The following ERBB4 variants were observed in gnomAD, a reference collection of about 807,000 sequenced individuals.
ERBB4 encodes receptor tyrosine-protein kinase erbB-4.
ERBB4 carries 42 observed loss-of-function variants against 158.0 expected under a neutral mutation model. The ratio of observed to expected loss-of-function variants is 0.27; its 90% CI spans 0.21 to 0.34. ERBB4 has a LOEUF of 0.34. Among genes scored for constraint, ERBB4 ranks in the 10% least tolerant of loss-of-function variants. The pLI, the probability that ERBB4 is intolerant of heterozygous loss-of-function variation, is 1.00. For synonymous variants in ERBB4, 583 were observed against 558.7 expected, an observed-to-expected ratio of 1.04 and a Z score of -0.61; for missense variants, 1,333 against 1,624.1, an observed-to-expected ratio of 0.82 and a Z score of 3.08.
chr2:211,473,102 C>G (rs959101626), intron 20 of ERBB4, among the ~76,000 whole-genome samples: 8 of 151,586 alleles, frequency 5.3e-5, no homozygotes, highest in Non-Finnish European at 1.0e-4. Flanking sequence ...GAGAAATGAT[C>G]CTGCATTATC....
At chr2:212,035,759 A>G (rs1428765978) in intron 2 of ERBB4, among the ~76,000 whole-genome samples, 2 of 152,206 alleles carry the variant, frequency 1.3e-5, no homozygotes, top group Non-Finnish European at 2.9e-5. Context: ...TGTAATATGC[A>G]CTCAGCAGAT....
chr2:212,051,508 T>G (rs898154881), intron 2 of ERBB4, among the ~76,000 whole-genome samples: 8 of 152,308 alleles, frequency 5.3e-5, no homozygotes, highest in African/African-American at 1.9e-4. Flanking sequence ...TAATAAAAAT[T>G]GATGTTATGT....
intron 20 of ERBB4, among the ~76,000 whole-genome samples, chr2:211,464,973 TTTTTTTTTC>T (rs140326503): frequency 0.61 from 86,693 of 141,832 alleles, 27,485 homozygotes; most frequent in South Asian, 0.74. Flanking sequence ...TTGTTTTTCT[TTTTTTTTTC>T]TTTTTTTTTT....
At chr2:212,381,343 A>G (rs941430555) in intron 1 of ERBB4, among the ~76,000 whole-genome samples, 1 of 151,320 alleles carries the variant, frequency 6.6e-6, no homozygotes, top group Non-Finnish European at 1.5e-5. Context: ...CTGCGTTGGA[A>G]AGGTGCACTG....
At chr2:211,566,060 G>T (rs1295014960) in intron 19 of ERBB4, among the ~76,000 whole-genome samples, 2 of 152,260 alleles carry the variant, frequency 1.3e-5, no homozygotes, top group East Asian at 3.9e-4. Flanking sequence ...GGAAGTTCCG[G>T]GTGCACTTTG....
chr2:212,423,937 T>C (rs1207638201), intron 1 of ERBB4, among the ~76,000 whole-genome samples: 1 of 152,192 alleles, frequency 6.6e-6, no homozygotes, highest in Non-Finnish European at 1.5e-5. Flanking sequence ...TTCCCAAAAG[T>C]TTATTATTAA....
intron 2 of ERBB4, among the ~76,000 whole-genome samples, chr2:212,026,906 A>C (rs911141526): frequency 2.1e-4 from 32 of 152,076 alleles, no homozygotes; most frequent in Admixed American, 1.5e-3. Context: ...CATTCATTAA[A>C]ATAAGTAGAC....
At chr2:212,361,356 C>G (rs1266443735) in intron 1 of ERBB4, among the ~76,000 whole-genome samples, 2 of 151,572 alleles carry the variant, frequency 1.3e-5, no homozygotes, top group African/African-American at 4.8e-5. Context: ...ACTGATGAAG[C>G]AGTGACATCT....
chr2:212,446,617 A>ATATATATATATG (rs2092360185), intron 1 of ERBB4, among the ~76,000 whole-genome samples: 1 of 58,254 alleles, frequency 1.7e-5, no homozygotes, highest in Non-Finnish European at 3.7e-5. Context: ...ATATATATAT[A>ATATATATATATG]TATATATATA....
chr2:212,369,835 G>A (rs1363618496), intron 1 of ERBB4, among the ~76,000 whole-genome samples: 2 of 152,074 alleles, frequency 1.3e-5, no homozygotes, highest in African/African-American at 4.8e-5. Context: ...AGGATTACAG[G>A]CATGAGCCAC....
chr2:211,893,278 T>C (rs1202564983), intron 3 of ERBB4, among the ~76,000 whole-genome samples: 2 of 144,578 alleles, frequency 1.4e-5, no homozygotes, highest in East Asian at 1.9e-4. Context: ...TATCTGATCT[T>C]TGACAAACCT....
intron 1 of ERBB4, among the ~76,000 whole-genome samples, chr2:212,524,980 ATTGGG>A (rs1692370631): frequency 6.6e-6 from 1 of 151,976 alleles, no homozygotes; most frequent in Non-Finnish European, 1.5e-5. Flanking sequence ...TACTTGTTTG[ATTGGG>A]TTAAGTCAGA....
chr2:212,075,364 A>T (rs1228937472), intron 2 of ERBB4, among the ~76,000 whole-genome samples: 2 of 151,946 alleles, frequency 1.3e-5, no homozygotes, highest in East Asian at 3.9e-4. Context: ...ATGCAATGTA[A>T]TGGTACAATA....
chr2:211,772,940 T>TACACACAA (rs1172044868), intron 4 of ERBB4, among the ~76,000 whole-genome samples: 1 of 92,180 alleles, frequency 1.1e-5, no homozygotes, highest in African/African-American at 6.0e-5. Context: ...TATATATATA[T>TACACACAA]ATATATATAT....
At chr2:212,055,104 A>C (rs777194741) in intron 2 of ERBB4, among the ~76,000 whole-genome samples, 57 of 152,166 alleles carry the variant, frequency 3.7e-4, no homozygotes, top group Non-Finnish European at 6.8e-4. Context: ...TCCCACCCTA[A>C]TACTGTGCTT....
chr2:212,057,700 A>G (rs1370989678), intron 2 of ERBB4, among the ~76,000 whole-genome samples: 1 of 152,244 alleles, frequency 6.6e-6, no homozygotes, highest in Non-Finnish European at 1.5e-5. Flanking sequence ...TAATGAAATG[A>G]AGGCAGAAAC....
At chr2:212,161,460 G>T (rs2125648962) in intron 1 of ERBB4, among the ~76,000 whole-genome samples, 1 of 151,836 alleles carries the variant, frequency 6.6e-6, no homozygotes, top group African/African-American at 2.4e-5. Context: ...TCTCCCATAG[G>T]TTGATGCAGA....
chr2:211,637,185 G>C (rs2070393452), intron 16 of ERBB4, among the ~76,000 whole-genome samples: 1 of 151,828 alleles, frequency 6.6e-6, no homozygotes, highest in Non-Finnish European at 1.5e-5. Context: ...TCATGACCCA[G>C]AGGACAAATG....
chr2:211,501,717 T>TA (rs1339771805), intron 20 of ERBB4, among the ~76,000 whole-genome samples: 6 of 152,106 alleles, frequency 3.9e-5, no homozygotes, highest in African/African-American at 1.4e-4. Context: ...TAATTTAACT[T>TA]ACTTTTAATT....
Sources: allele counts gnomAD v4.1 joint callset (sites outside exome capture counted in the v4.1 genomes callset), GRCh38; gene constraint gnomAD v4.1.1; transcripts MANE v1.5; gene names NCBI Gene and HGNC (gene_info 2026-07-23, HGNC 2026-07-21).